The following RNF139 variants were observed in gnomAD, a reference collection of about 807,000 sequenced individuals.
RNF139 encodes the protein E3 ubiquitin-protein ligase RNF139.
A neutral mutation model predicts 49.5 loss-of-function variants in RNF139; 15 were observed. The observed-to-expected ratio is 0.30, with a 90% CI of 0.20 to 0.47. The LOEUF (loss-of-function observed/expected upper bound fraction) is 0.47. Ranked by LOEUF, RNF139 falls within the 20% of genes least tolerant of loss-of-function variation. The probability of loss-of-function intolerance (pLI) is 1.00; values close to 1 mark genes in which losing one functional copy is unlikely to be tolerated. For missense variants in RNF139, 619 were observed against 806.3 expected, an observed-to-expected ratio of 0.77 and a Z score of 2.81; for synonymous variants, 325 against 300.9, an observed-to-expected ratio of 1.08 and a Z score of -0.83.
At position 124,488,450 on chromosome 8, in the gene RNF139, A is replaced by G. The variant is rs1816595391; in HGVS notation, c.*806A>G. 2 of 482,126 alleles carry G rather than the reference A, an allele frequency of 4.1e-6. No individual in the cohort carries two copies. The highest frequency in any genetic ancestry group is 7.4e-6 in the Non-Finnish European group (2 of 269,252). The allele number at this position is 482,126 out of a possible 1,614,324, so 29.9% of individuals were successfully genotyped here. A position where few individuals can be genotyped will look rare whatever the true frequency, so the allele number is the denominator to read the frequency against. ...ACATCCTGATCTGATTTTACGAGAAAAAGAAGGGGAATGGTGGGGAATGGT... is the reference window on the plus strand; with the variant it reads ...ACATCCTGATCTGATTTTACGAGAAGAAGAAGGGGAATGGTGGGGAATGGT... On this transcript the variant is annotated 3_prime_UTR_variant, in exon 2 of 2. Coordinates refer to ENST00000303545, the MANE Select transcript of RNF139 (RefSeq NM_007218.4).
In RNF139 at chr8:124,488,483, G is replaced by GAT; in HGVS notation, c.*845_*846dup. On this transcript the variant is annotated 3_prime_UTR_variant, in exon 2 of 2. Transcript: ENST00000303545. ...GGAATGGTGGGGAATGGTGTGTACCGATATATAGTATTTCTTTAGACAACT... is the reference window on the plus strand; with the variant it reads ...GGAATGGTGGGGAATGGTGTGTACCGATATATATAGTATTTCTTTAGACAACT... The GAT allele has an allele frequency of 3.2e-6, 2 of 617,338 alleles. No individual in the cohort carries two copies. Among genetic ancestry groups the GAT allele is most frequent in the Non-Finnish European group, 5.8e-6 (2 of 347,552 alleles). 38.2% of individuals were successfully genotyped at this position (617,338 alleles called of 1,614,324 possible). A position where few individuals can be genotyped will look rare whatever the true frequency, so the allele number is the denominator to read the frequency against.
intron 1 of RNF139, among the ~76,000 whole-genome samples, chr8:124,478,791 C>T (rs1816354505): frequency 6.7e-6 from 1 of 149,940 alleles, no homozygotes; most frequent in Admixed American, 6.7e-5. Context: ...GTGATCTCGG[C>T]TCACCACAAC....
Position 124,484,941 on chromosome 8 carries a change from C to T in RNF139, c.182-890C>T, listed in dbSNP as rs373015756. Among the ~76,000 whole-genome samples, 3 of 152,096 alleles carry T rather than the reference C, an allele frequency of 2.0e-5. No homozygotes were observed. The South Asian group carries it at 6.2e-4, about 32-fold the overall frequency. On this transcript the variant is annotated intron_variant, in intron 1 of 1. Transcript: ENST00000303545. ...GAGGAAAAAAAATGGAATTTTGGAC[C>T]CTTTGGAGAATGCTCAGAGTTAAGG...
rs776655219 is a variant in RNF139, at chr8:124,486,321, G to A, written c.672G>A (p.Leu224=). 1.8e-5 allele frequency: 29 copies of A among 1,614,006 alleles called. No individual in the cohort carries two copies. The highest frequency in any genetic ancestry group is 2.3e-5 in the Non-Finnish European group (27 of 1,180,016). ...HMYRIYGLQL[L]MEDTWKRIRF... ...ATCGAATTTACGGATTACAGTTATTGATGGAGGACACATGGAAGAGGATTC... is the reference window on the plus strand; with the variant it reads ...ATCGAATTTACGGATTACAGTTATTAATGGAGGACACATGGAAGAGGATTC... The change falls in exon 2 of 2, where the codon TTG becomes TTA. Residue 224 remains leucine, a synonymous_variant. Coordinates refer to ENST00000303545, the MANE Select transcript of RNF139 (RefSeq NM_007218.4).
chr8:124,488,616 T>TTAA (rs1278574800), exon 2 of RNF139: 1 of 1,560,000 alleles, frequency 6.4e-7, no homozygotes, highest in South Asian at 1.1e-5. Flanking sequence ...AAAAAATACT[T>TTAA]TAATAGTATT....
chr8:124,484,359 T>C (rs889180336), intron 1 of RNF139, among the ~76,000 whole-genome samples: 3 of 152,050 alleles, frequency 2.0e-5, no homozygotes, highest in African/African-American at 7.2e-5. Context: ...AGAAAGGCAA[T>C]TTGGTGATGG....
chr8:124,487,135 C>T lies in RNF139; in HGVS notation c.1486C>T (p.Arg496Trp). ...TMMFESGSKI[R>W]AFMMCLHAYF... The stretch of plus-strand genomic sequence containing the variant: ...GATGTTTGAGTCGGGAAGTAAAATT[C>T]GGGCTTTTATGATGTGCCTACATGC... The change falls in exon 2 of 2, where the codon CGG (arginine) becomes TGG (tryptophan). Residue 496 changes from arginine to tryptophan, a missense_variant. By Grantham distance (101) the Arg-to-Trp change is moderately radical. Transcript: ENST00000303545. 1.2e-6 allele frequency: 2 copies of T among 1,613,784 alleles called. No homozygotes were observed. Among genetic ancestry groups the T allele is most frequent in the Non-Finnish European group, 1.7e-6 (2 of 1,180,002 alleles).
In RNF139 at chr8:124,486,930, T is replaced by C. The variant is rs1232328614; in HGVS notation, c.1281T>C (p.Cys427=). The C allele has an allele frequency of 2.5e-6, 4 of 1,614,092 alleles. 1 individual carries two copies. Among genetic ancestry groups the C allele is most frequent in the Non-Finnish European group, 2.5e-6 (3 of 1,180,008 alleles). The change falls in exon 2 of 2, where the codon TGT becomes TGC. Residue 427 remains cysteine, a synonymous_variant. Coordinates refer to ENST00000303545, the MANE Select transcript of RNF139 (RefSeq NM_007218.4). ...NTWLFAVTAF[C]VELCLKVIVS... is the part of the protein sequence containing the mutation. ...GGTTGTTTGCAGTTACAGCATTTTGTGTGGAACTGTGCTTAAAAGTAATTG... is the reference window on the plus strand; with the variant it reads ...GGTTGTTTGCAGTTACAGCATTTTGCGTGGAACTGTGCTTAAAAGTAATTG...
At chr8:124,482,421 T>G (rs920095229) in intron 1 of RNF139, among the ~76,000 whole-genome samples, 2 of 152,132 alleles carry the variant, frequency 1.3e-5, no homozygotes, top group Non-Finnish European at 2.9e-5. Context: ...CCTGCTTGAC[T>G]TTCTCCCCTC....
Position 124,486,101 on chromosome 8 carries a change from A to G in RNF139, c.452A>G (p.Tyr151Cys), listed in dbSNP as rs1276605667. 4.3e-6 allele frequency: 7 copies of G among 1,614,002 alleles called. No homozygotes were observed. Among genetic ancestry groups the G allele is most frequent in the Non-Finnish European group, 2.5e-6 (3 of 1,180,016 alleles). The change falls in exon 2 of 2, where the codon TAT (tyrosine) becomes TGT (cysteine). Residue 151 changes from tyrosine (Y) to cysteine (C), a missense_variant. This residue lies in a region of RNF139 where 530 missense variants were observed against 728.9 expected (regional missense o/e 0.73). Transcript: ENST00000303545. ...ACACTACTCCAGATTCATTCCATCT[A>G]TTCACAATTAATTATTTTGGATCTC... is the stretch of plus-strand genomic sequence containing the variant. ...YVTLLQIHSI[Y>C]SQLIILDLLV...
Position 124,487,787 on chromosome 8 carries a change from T to TAGCACATCACAGTAAAC in RNF139, c.*143_*144insAGCACATCACAGTAAAC. On this transcript the variant is annotated 3_prime_UTR_variant, in exon 2 of 2. Coordinates refer to ENST00000303545, the MANE Select transcript of RNF139 (RefSeq NM_007218.4). ...TCTGTGAATGGTTTTCCGTTTACTG[T>TAGCACATCACAGTAAAC]GATGTGCTACTGTAAATATACCTCT... The TAGCACATCACAGTAAAC allele has an allele frequency of 2.6e-6, 2 of 757,474 alleles. No individual in the cohort carries two copies. Among genetic ancestry groups the TAGCACATCACAGTAAAC allele is most frequent in the Non-Finnish European group, 4.1e-6 (2 of 483,142 alleles). 46.9% of individuals were successfully genotyped at this position (757,474 alleles called of 1,614,324 possible).
At position 124,487,625 on chromosome 8, in the gene RNF139, TTAA is replaced by T. The variant is rs1297113938; in HGVS notation, c.1978_1980del (p.Asn660del). 5.0e-5 allele frequency: 81 copies of T among 1,604,738 alleles called. No individual in the cohort carries two copies. Among genetic ancestry groups the T allele is most frequent in the Non-Finnish European group, 6.6e-5 (77 of 1,174,976 alleles). ...CACACAGGCGCAGCAGCTGAAGAAT[TTAA>T]TGATGATACTGACTGATGAAAATAG... On this transcript the variant is annotated inframe_deletion, in exon 2 of 2. Coordinates refer to ENST00000303545, the MANE Select transcript of RNF139 (RefSeq NM_007218.4).
At chr8:124,480,402 A>G (rs1375268682) in intron 1 of RNF139, among the ~76,000 whole-genome samples, 1 of 112,036 alleles carries the variant, frequency 8.9e-6, no homozygotes, top group Non-Finnish European at 1.8e-5. Context: ...AGACTCCATC[A>G]CTAAAAAAAA....
chr8:124,483,801 A>G (rs1816488676), intron 1 of RNF139, among the ~76,000 whole-genome samples: 1 of 152,142 alleles, frequency 6.6e-6, no homozygotes, highest in Non-Finnish European at 1.5e-5. Context: ...TGTCTGAAAC[A>G]TAGATTTTAT....
intron 1 of RNF139, 21 bp from the exon 2 acceptor site, chr8:124,485,810 C>CT (rs755397032): frequency 6.5e-7 from 1 of 1,546,156 alleles, no homozygotes; most frequent in Non-Finnish European, 8.8e-7. Flanking sequence ...ATTCAAATGA[C>CT]TTTTTCTTTC....
intron 1 of RNF139, among the ~76,000 whole-genome samples, chr8:124,476,773 A>G (rs1435253598): frequency 6.6e-6 from 1 of 152,226 alleles, no homozygotes; most frequent in Non-Finnish European, 1.5e-5. Flanking sequence ...ATAACTGCAG[A>G]TTCTGTGAGA....
chr8:124,480,385 C>T (rs1455179059), intron 1 of RNF139, among the ~76,000 whole-genome samples: 2 of 116,220 alleles, frequency 1.7e-5, no homozygotes, highest in African/African-American at 6.8e-5. Context: ...GCCTGGGCAA[C>T]AGAGCGAGAC....
intron 1 of RNF139, among the ~76,000 whole-genome samples, chr8:124,478,389 G>A (rs1312836512): frequency 6.6e-6 from 1 of 152,030 alleles, no homozygotes; most frequent in Non-Finnish European, 1.5e-5. Flanking sequence ...GGCTGAGGCA[G>A]GCAGATTGCT....
At chr8:124,482,285 G>C (rs1383481282) in intron 1 of RNF139, among the ~76,000 whole-genome samples, 1 of 151,956 alleles carries the variant, frequency 6.6e-6, no homozygotes, top group African/African-American at 2.4e-5. Context: ...GTAAAAACAA[G>C]CTTCAGGAAA....
Sources: gnomAD v4.1 joint callset for allele counts (sites outside exome capture counted in the v4.1 genomes callset) on GRCh38, gnomAD v4.1.1 for gene constraint, gnomAD v4.1.1 regional missense constraint, MANE v1.5 for transcripts, NCBI Gene and HGNC (gene_info 2026-07-23, HGNC 2026-07-21) for gene names.